Variants in AFG3L2 observed in about 807,000 individuals in gnomAD.
AFG3L2 encodes mitochondrial inner membrane m-AAA protease component AFG3L2.
Under a neutral mutation model 94.5 loss-of-function variants are expected in AFG3L2, and 54 were observed. That is an observed-to-expected ratio of 0.57 (90% CI 0.46 to 0.72). The LOEUF is 0.72. Ranked by LOEUF, AFG3L2 falls within the 30% of genes least tolerant of loss-of-function variation. The pLI, the probability that AFG3L2 is intolerant of heterozygous loss-of-function variation, is 0.00. For missense variants in AFG3L2, 754 were observed against 994.9 expected (o/e 0.76, Z 3.26); for synonymous variants, 377 against 365.5 (o/e 1.03, Z -0.36).
chr18:12,340,868 C>CTT (rs1907928260), intron 14 of AFG3L2: 1 of 165,950 alleles, frequency 6.0e-6, no homozygotes, highest in Non-Finnish European at 1.3e-5. Context: ...GCTGGGATTA[C>CTT]AGGCGTGAGC....
At chr18:12,368,162 C>CG (rs1908867006) in intron 3 of AFG3L2, among the ~76,000 whole-genome samples, 1 of 149,882 alleles carries the variant, frequency 6.7e-6, no homozygotes, top group African/African-American at 2.5e-5. Flanking sequence ...CGTGAAACTC[C>CG]GTCTCAAAAA....
intron 5 of AFG3L2, among the ~76,000 whole-genome samples, chr18:12,365,871 C>CTTTTTTTTTTT (rs576247423): frequency 8.8e-6 from 1 of 113,834 alleles, no homozygotes; most frequent in Non-Finnish European, 1.7e-5. Context: ...TGCATCAATT[C>CTTTTTTTTTTT]TTTTTTTTTT....
At position 12,376,898 on chromosome 18, in the gene AFG3L2, C is replaced by G. The variant is rs974195236; in HGVS notation, c.114+71G>C. On this transcript the variant is annotated intron_variant, in intron 1 of 16. Transcript: ENST00000269143. The stretch of plus-strand genomic sequence containing the variant: ...GGAGGGCGGGGGCCAGTGACCTTGA[C>G]GTCCGCTCTCCCGAGCCGGAAGTGG... 5 of 1,199,558 alleles carry G rather than the reference C, an allele frequency of 4.2e-6. No individual in the cohort carries two copies. In the African/African-American group the frequency reaches 8.0e-5, roughly 19 times the overall value. The allele number at this position is 1,199,558 out of a possible 1,614,324, so 74.3% of individuals were successfully genotyped here.
intron 2 of AFG3L2, among the ~76,000 whole-genome samples, chr18:12,371,246 G>A (rs1000536894): frequency 1.3e-4 from 20 of 151,612 alleles, no homozygotes; most frequent in Admixed American, 5.9e-4. Flanking sequence ...CCCAGAAGGC[G>A]GAGGTTGCAG....
chr18:12,347,716 A>T (rs1015510496), intron 13 of AFG3L2, among the ~76,000 whole-genome samples: 1 of 151,650 alleles, frequency 6.6e-6, no homozygotes, highest in Admixed American at 6.6e-5. Flanking sequence ...ATGCCTGGCT[A>T]ATCTTTGTAT....
At chr18:12,351,619 T>G (rs1227764601) in intron 10 of AFG3L2, among the ~76,000 whole-genome samples, 2 of 151,624 alleles carry the variant, frequency 1.3e-5, no homozygotes, top group Non-Finnish European at 2.9e-5. Flanking sequence ...TGATCTCAGC[T>G]CACTGCAACC....
intron 12 of AFG3L2, among the ~76,000 whole-genome samples, chr18:12,350,668 G>A (rs995264641): frequency 8.5e-5 from 13 of 152,200 alleles, no homozygotes; most frequent in African/African-American, 2.4e-4. Flanking sequence ...AAAAATAGTC[G>A]GGCACAGTGG....
chr18:12,338,496 C>T (rs1907827529), intron 15 of AFG3L2, among the ~76,000 whole-genome samples: 2 of 152,156 alleles, frequency 1.3e-5, no homozygotes, highest in Admixed American at 1.3e-4. Context: ...AAGGAGGAGG[C>T]TTCTGCAAGT....
intron 16 of AFG3L2, among the ~76,000 whole-genome samples, chr18:12,334,637 G>A (rs765087593): frequency 3.4e-4 from 51 of 152,102 alleles, no homozygotes; most frequent in Non-Finnish European, 5.6e-4. Context: ...TGAAGTCTTG[G>A]TTTTACAGCT....
chr18:12,341,410 T>C (rs190913557), intron 14 of AFG3L2: 1 of 152,164 alleles, frequency 6.6e-6, no homozygotes, highest in East Asian at 1.9e-4. Context: ...GAAAGTTCCC[T>C]TGTACCCACT....
chr18:12,349,893 G>A (rs182469504), intron 12 of AFG3L2, among the ~76,000 whole-genome samples: 242 of 150,134 alleles, frequency 1.6e-3, no homozygotes, highest in South Asian at 3.2e-3. Context: ...AACTCCTGAC[G>A]TCAGGTGATC....
Position 12,369,892 on chromosome 18 carries a change from T to C in AFG3L2, c.292+957A>G, listed in dbSNP as rs549991950. Among the ~76,000 whole-genome samples, 162 of 134,832 alleles carry C rather than the reference T, an allele frequency of 1.2e-3. 1 individual carries two copies. Among genetic ancestry groups the C allele is most frequent in the Admixed American group, 3.8e-3 (48 of 12,748 alleles). 88.5% of individuals were successfully genotyped at this position (134,832 alleles called of 152,430 possible). A position where few individuals can be genotyped will look rare whatever the true frequency, so the allele number is the denominator to read the frequency against. On this transcript the variant is annotated intron_variant, in intron 3 of 16. Transcript: ENST00000269143. ...TAACACAGCGAAACCCCGTCTCTAC[T>C]AAAAATACAAAAAAAAAAAAATTAG...
Position 12,367,079 on chromosome 18 carries a change from G to A in AFG3L2, c.438C>T (p.Phe146=), listed in dbSNP as rs754425133. The change falls in exon 5 of 17, where the codon TTC becomes TTT. Residue 146 remains phenylalanine (F), a synonymous_variant. Transcript: ENST00000269143. Reference sequence around the variant, plus strand: ...CCCAGAACAGAGCAGTCCAGAGGAAGAACATCCTGAAATCCTTGTCGTCCC... The same window carrying A: ...CCCAGAACAGAGCAGTCCAGAGGAAAAACATCCTGAAATCCTTGTCGTCCC... The part of the protein sequence containing the change: ...IPWDDKDFRM[F]FLWTALFWGG... The A allele has an allele frequency of 3.1e-6, 5 of 1,614,098 alleles. No individual in the cohort carries two copies. Among genetic ancestry groups the A allele is most frequent in the African/African-American group, 2.7e-5 (2 of 74,932 alleles).
At chr18:12,359,387 C>G (rs1908588331) in intron 7 of AFG3L2, among the ~76,000 whole-genome samples, 1 of 151,850 alleles carries the variant, frequency 6.6e-6, no homozygotes, top group Non-Finnish European at 1.5e-5. Context: ...ACTGCTTCAT[C>G]AAGATAAGTA....
chr18:12,376,819 T>A, intron 1 of AFG3L2, 150 bp downstream of exon 1: 1 of 524,076 alleles, frequency 1.9e-6, no homozygotes, highest in African/African-American at 2.0e-5. Context: ...CGGGGCCGGC[T>A]GAGAGACAGC....
intron 13 of AFG3L2, among the ~76,000 whole-genome samples, chr18:12,344,522 A>T (rs1908066833): frequency 6.6e-6 from 1 of 152,158 alleles, no homozygotes; most frequent in South Asian, 2.1e-4. Context: ...TAAAAATACA[A>T]AATTAGCCAG....
At chr18:12,376,066 G>A (rs544326238) in intron 1 of AFG3L2, among the ~76,000 whole-genome samples, 13 of 152,330 alleles carry the variant, frequency 8.5e-5, no homozygotes, top group South Asian at 8.3e-4. Context: ...GGAGTCAAGC[G>A]ATTCTCCCGC....
At chr18:12,353,345 T>C (rs939432645) in intron 9 of AFG3L2, among the ~76,000 whole-genome samples, 187 bp from the exon 10 acceptor site, 2 of 151,658 alleles carry the variant, frequency 1.3e-5, no homozygotes, top group African/African-American at 4.8e-5. Context: ...AGAAACCCCA[T>C]CTCTACTAAA....
At position 12,339,552 on chromosome 18, in the gene AFG3L2, C is replaced by CAA. The variant is rs57358869; in HGVS notation, c.1980+647_1980+648dup. Reference sequence around the variant, plus strand: ...GGGCAACAAGAGCAAAACTCCAGATCAAAAAAAAAAAAAAACAAAAAAGCT... The same window carrying CAA: ...GGGCAACAAGAGCAAAACTCCAGATCAAAAAAAAAAAAAAAAACAAAAAAGCT... On this transcript the variant is annotated intron_variant, in intron 15 of 16. Transcript: ENST00000269143. Among the ~76,000 whole-genome samples the CAA allele has an allele frequency of 1.7e-3, 177 of 102,982 alleles. 1 individual carries two copies. The highest frequency in any genetic ancestry group is 5.6e-3 in the Middle Eastern group (1 of 178). The allele number at this position is 102,982 out of a possible 152,430, so 67.6% of individuals were successfully genotyped here.
Sources: allele counts gnomAD v4.1 joint callset (sites outside exome capture counted in the v4.1 genomes callset), GRCh38; gene constraint gnomAD v4.1.1; transcripts MANE v1.5; gene names NCBI Gene and HGNC (gene_info 2026-07-23, HGNC 2026-07-21).